Variants in ADRA1A observed in about 807,000 individuals in gnomAD.
The protein encoded by ADRA1A is alpha-1A adrenergic receptor.
In ADRA1A, 31 loss-of-function variants were observed where a neutral mutation model predicts 29.6. The observed-to-expected ratio is 1.05, with a 90% CI of 0.79 to 1.41. ADRA1A has a LOEUF of 1.41. Among genes scored for constraint, ADRA1A ranks in the 40% most tolerant of loss-of-function variants. The pLI is 0.00. For missense variants in ADRA1A, 619 were observed against 601.1 expected (o/e 1.03, Z -0.31); for synonymous variants, 311 against 254.3 (o/e 1.22, Z -2.12).
In ADRA1A at chr8:26,801,505, T is replaced by C. The variant is rs547950613; in HGVS notation, c.884-30839A>G. Reference sequence around the variant, plus strand: ...TTGAAAAAGATATTTAAAAAGTAATTCTATTTACAATAGCTACAAATAAAA... The same window carrying C: ...TTGAAAAAGATATTTAAAAAGTAATCCTATTTACAATAGCTACAAATAAAA... On this transcript the variant is annotated intron_variant, in intron 2 of 2. Coordinates refer to ENST00000380573, the MANE Select transcript of ADRA1A (RefSeq NM_000680.4). Among the ~76,000 whole-genome samples the C allele has an allele frequency of 9.9e-5, 15 of 152,202 alleles. No individual in the cohort carries two copies. In the South Asian group the frequency reaches 2.7e-3, roughly 27 times the overall value.
chr8:26,788,649 C>T (rs1039390579), intron 2 of ADRA1A, among the ~76,000 whole-genome samples: 3 of 152,094 alleles, frequency 2.0e-5, no homozygotes, highest in African/African-American at 7.2e-5. Flanking sequence ...ATTGTTTATC[C>T]CCATTTTACA....
intron 2 of ADRA1A, among the ~76,000 whole-genome samples, chr8:26,852,752 T>C (rs1812731286): frequency 6.6e-6 from 1 of 152,168 alleles, no homozygotes; most frequent in Non-Finnish European, 1.5e-5. Flanking sequence ...CACATAATTC[T>C]TACGGTATTT....
intron 2 of ADRA1A, among the ~76,000 whole-genome samples, chr8:26,800,385 A>G (rs956127099): frequency 6.6e-6 from 1 of 152,218 alleles, no homozygotes; most frequent in African/African-American, 2.4e-5. Flanking sequence ...TGATTTTTCA[A>G]AAACAGTATA....
chr8:26,759,876 G>A lies in ADRA1A; in HGVS notation c.1270-3097C>T, dbSNP rs73558240. Reference sequence around the variant, plus strand: ...TTGAAAAGACAGAATACTTTTGTAGGCTTTGCCTTTTGATGTGATTTTCCC... The same window carrying A: ...TTGAAAAGACAGAATACTTTTGTAGACTTTGCCTTTTGATGTGATTTTCCC... On this transcript the variant is annotated intron_variant, in intron 2 of 2. Coordinates refer to the ADRA1A transcript ENST00000380582. Among the ~76,000 whole-genome samples the A allele has an allele frequency of 7.7e-3, 1,166 of 152,312 alleles. 12 individuals carry two copies. The highest frequency in any genetic ancestry group is 0.026 in the African/African-American group (1,094 of 41,562).
Position 26,787,550 on chromosome 8 carries a change from G to T in ADRA1A, c.884-16884C>A, listed in dbSNP as rs1807490038. On this transcript the variant is annotated intron_variant, in intron 2 of 2. Coordinates refer to ENST00000380573, the MANE Select transcript of ADRA1A (RefSeq NM_000680.4). This position sits in a 1 kb window ranked among gnomAD's most constrained non-coding sequence, Gnocchi z 4.2. Reference sequence around the variant, plus strand: ...GGGTGAAAGTGTAGGAATAAAAGGAGAACTGTCATCTGTAGTTCTTGGATA... The same window carrying T: ...GGGTGAAAGTGTAGGAATAAAAGGATAACTGTCATCTGTAGTTCTTGGATA... 6.6e-6 allele frequency among the ~76,000 whole-genome samples: 1 copy of T among 151,922 alleles called. No homozygotes were observed. Among genetic ancestry groups the T allele is most frequent in the South Asian group, 2.1e-4 (1 of 4,808 alleles).
chr8:26,766,388 C>A (rs1805790673), downstream of ADRA1A, among the ~76,000 whole-genome samples: 1 of 152,168 alleles, frequency 6.6e-6, no homozygotes, highest in Admixed American at 6.5e-5. Context: ...CCCAGCGTGC[C>A]ATAGTATGTC....
rs746449370 is a variant in ADRA1A, at chr8:26,864,770, T to C, written c.200A>G (p.Asn67Ser). ...GAGCAGGAGGTCGGCCACCGCCAGG[T>C]TGACGATGTAGTAGTGCGTGACTGA... ...LHSVTHYYIV[N>S]LAVADLLLTS... The change falls in exon 2 of 3, where the codon AAC (asparagine) becomes AGC (serine). Residue 67 changes from asparagine (N) to serine (S), a missense_variant. Transcript: ENST00000380573. This position sits in a 1 kb window ranked among gnomAD's most constrained non-coding sequence, Gnocchi z 8.1. The C allele has an allele frequency of 2.5e-6, 4 of 1,613,794 alleles. No individual in the cohort carries two copies. Among genetic ancestry groups the C allele is most frequent in the South Asian group, 2.2e-5 (2 of 91,042 alleles).
chr8:26,820,060 T>G (rs1392752938), intron 2 of ADRA1A, among the ~76,000 whole-genome samples: 2 of 152,114 alleles, frequency 1.3e-5, no homozygotes, highest in East Asian at 3.8e-4. Context: ...GATATAACTG[T>G]AAGTGCACCC....
chr8:26,748,954 C>G (rs1369480883), intron 2 of ADRA1A, among the ~76,000 whole-genome samples: 1 of 152,004 alleles, frequency 6.6e-6, no homozygotes, highest in African/African-American at 2.4e-5. Flanking sequence ...TGAGTGTCAC[C>G]TTTTGTATTG....
rs980120628 is a variant in ADRA1A at position 26,866,229 on chromosome 8, G to A, written c.-686-574C>T. On this transcript the variant is annotated intron_variant, in intron 1 of 2. Coordinates refer to ENST00000380573, the MANE Select transcript of ADRA1A (RefSeq NM_000680.4). This position sits in a 1 kb window ranked among gnomAD's most constrained non-coding sequence, Gnocchi z 5.7. Reference sequence around the variant, plus strand: ...GCGCACCGGTCTGTCCACCAGCCAAGCTGGCTTGAGAGCCAGGTCCCGAGC... The same window carrying A: ...GCGCACCGGTCTGTCCACCAGCCAAACTGGCTTGAGAGCCAGGTCCCGAGC... Among the ~76,000 whole-genome samples, 9 of 152,192 alleles carry A rather than the reference G, an allele frequency of 5.9e-5. No homozygotes were observed. The highest frequency in any genetic ancestry group is 2.2e-4 in the African/African-American group (9 of 41,450).
chr8:26,808,663 A>T (rs953974407), intron 2 of ADRA1A, among the ~76,000 whole-genome samples: 1 of 152,352 alleles, frequency 6.6e-6, no homozygotes, highest in Middle Eastern at 3.4e-3. Flanking sequence ...CCTAGTGAAA[A>T]GTATACACTG....
rs533083976 is a variant in ADRA1A, at chr8:26,805,506, C to T, written c.884-34840G>A. Among the ~76,000 whole-genome samples, 10 of 152,196 alleles carry T rather than the reference C, an allele frequency of 6.6e-5. No homozygotes were observed. The highest frequency in any genetic ancestry group is 2.1e-4 in the South Asian group (1 of 4,836). ...CACTCTATGCCCAGTACTTTCGAAACGCTTTCCATATATTAGCTCATTTAA... is the reference window on the plus strand; with the variant it reads ...CACTCTATGCCCAGTACTTTCGAAATGCTTTCCATATATTAGCTCATTTAA... On this transcript the variant is annotated intron_variant, in intron 2 of 2. Transcript: ENST00000380573. This position sits in a 1 kb window ranked among gnomAD's most constrained non-coding sequence, Gnocchi z 4.8.
chr8:26,765,791 G>T (rs1185522923), downstream of ADRA1A: 2 of 1,281,554 alleles, frequency 1.6e-6, no homozygotes, highest in Non-Finnish European at 2.0e-6. Flanking sequence ...CAAAGGACCT[G>T]AGCAGACCAG....
At chr8:26,783,252 T>G (rs1009277411) in intron 2 of ADRA1A, among the ~76,000 whole-genome samples, 5 of 152,176 alleles carry the variant, frequency 3.3e-5, no homozygotes, top group Non-Finnish European at 5.9e-5. Flanking sequence ...GAAAATTCAC[T>G]TGGCTGGATA....
intron 2 of ADRA1A, among the ~76,000 whole-genome samples, chr8:26,813,102 C>A (rs185456686): frequency 1.3e-5 from 2 of 152,046 alleles, no homozygotes; most frequent in East Asian, 1.9e-4. Context: ...AGCTAAGGGA[C>A]AGGTAATAAA....
intron 2 of ADRA1A, among the ~76,000 whole-genome samples, chr8:26,801,693 G>T (rs937327557): frequency 6.6e-6 from 1 of 151,868 alleles, no homozygotes; most frequent in Admixed American, 6.6e-5. Context: ...TAAACACAAA[G>T]CAATCTACAG....
At chr8:26,791,409 A>G (rs1390515) in intron 2 of ADRA1A, among the ~76,000 whole-genome samples, 1 of 152,096 alleles carries the variant, frequency 6.6e-6, no homozygotes, top group Non-Finnish European at 1.5e-5. Context: ...GAGAGGCTAT[A>G]CCTACTTATA....
chr8:26,809,050 C>T (rs941379742), intron 2 of ADRA1A, among the ~76,000 whole-genome samples: 5 of 152,144 alleles, frequency 3.3e-5, no homozygotes, highest in African/African-American at 1.2e-4. Flanking sequence ...GCCTTATTTA[C>T]TACAATACCC....
At chr8:26,843,646 A>G (rs1325279454) in intron 2 of ADRA1A, among the ~76,000 whole-genome samples, 2 of 152,332 alleles carry the variant, frequency 1.3e-5, no homozygotes, top group South Asian at 4.1e-4. Flanking sequence ...CATATAGAGG[A>G]ACTATGGAAT....
Sources: gnomAD v4.1 joint callset for allele counts (sites outside exome capture counted in the v4.1 genomes callset) on GRCh38, gnomAD v4.1.1 for gene constraint, Gnocchi (gnomAD v3.1) non-coding constraint, MANE v1.5 for transcripts, NCBI Gene and HGNC (gene_info 2026-07-23, HGNC 2026-07-21) for gene names.